NCOA7: variants seen among roughly 807,000 people sequenced by gnomAD.
The protein encoded by NCOA7 is nuclear receptor coactivator 7, also known as 140 kDa estrogen receptor-associated protein.
Under a neutral mutation model 104.3 loss-of-function variants are expected in NCOA7, and 45 were observed. The ratio of observed to expected loss-of-function variants is 0.43; its 90% confidence interval spans 0.34 to 0.55. The LOEUF is 0.55. Ranked by LOEUF, NCOA7 falls within the 20% of genes least tolerant of loss-of-function variation. The pLI is 0.02. For synonymous variants in NCOA7, 398 were observed against 402.3 expected (o/e 0.99, Z 0.13); for missense variants, 1,041 against 1,119.7 (o/e 0.93, Z 1.00).
chr6:125,891,074 A>G (rs542564010), intron 10 of NCOA7, among the ~76,000 whole-genome samples: 6 of 152,326 alleles, frequency 3.9e-5, no homozygotes, highest in Admixed American at 2.0e-4. Context: ...TGAAAGAAGA[A>G]TTTGATGTTC....
At chr6:125,902,073 G>C (rs763820180) in intron 10 of NCOA7, among the ~76,000 whole-genome samples, 3 of 152,148 alleles carry the variant, frequency 2.0e-5, no homozygotes, top group Non-Finnish European at 4.4e-5. Flanking sequence ...TTTTATGGGT[G>C]CAGGGTAGGG....
chr6:125,900,885 C>T lies in NCOA7; in HGVS notation c.2096+10075C>T, dbSNP rs182092891. ...TTTAGAATACTGAAACTGGAAGAGG[C>T]CCTACAGTGCAAGGAAAATTACCTT... On this transcript the variant is annotated intron_variant, in intron 10 of 15. Transcript: ENST00000392477. Among the ~76,000 whole-genome samples the T allele has an allele frequency of 1.2e-3, 187 of 152,164 alleles. 2 individuals are homozygous for T. Among genetic ancestry groups the T allele is most frequent in the East Asian group, 2.5e-3 (13 of 5,184 alleles).
In NCOA7 at chr6:125,890,093, TAG is replaced by T. The variant is rs1443742949; in HGVS notation, c.1927+115_1927+116del. The T allele has an allele frequency of 4.9e-6, 4 of 818,176 alleles. No individual in the cohort carries two copies. The African/African-American group carries it at 7.1e-5, about 14-fold the overall frequency. The allele number at this position is 818,176 out of a possible 1,614,324, so 50.7% of individuals were successfully genotyped here. ...TTATTTGAAAACAGTATTTTCTCAA[TAG>T]AGTGTATCTTTGCTGATAGCATTAA... is the stretch of plus-strand genomic sequence containing the variant. On this transcript the variant is annotated intron_variant, in intron 9 of 15. Transcript: ENST00000392477.
At chr6:125,814,474 T>G (rs1777391531) in intron 1 of NCOA7, among the ~76,000 whole-genome samples, 2 of 152,194 alleles carry the variant, frequency 1.3e-5, no homozygotes, top group South Asian at 4.1e-4. Context: ...GATTTAAATT[T>G]GATAGGTGAA....
At position 125,815,295 on chromosome 6, in the gene NCOA7, A is replaced by G. The variant is rs1377861898; in HGVS notation, c.-60A>G. The G allele has an allele frequency of 1.5e-6, 2 of 1,308,438 alleles. No individual in the cohort carries two copies. The highest frequency in any genetic ancestry group is 2.9e-5 in the African/African-American group (2 of 67,934). 81.1% of individuals were successfully genotyped at this position (1,308,438 alleles called of 1,614,324 possible). On this transcript the variant is annotated 5_prime_UTR_variant, in exon 2 of 16. Coordinates refer to ENST00000392477, the MANE Select transcript of NCOA7 (RefSeq NM_181782.5). The stretch of plus-strand genomic sequence containing the variant: ...CTTTGTTATCTTTTCTTACAGGGTT[A>G]CGACTCACTGATTAAAAAGAGGGAC...
At chr6:125,834,141 G>A (rs1422441285) in intron 2 of NCOA7, among the ~76,000 whole-genome samples, 4 of 151,908 alleles carry the variant, frequency 2.6e-5, no homozygotes, top group Admixed American at 2.6e-4. Context: ...TATGTGGGCA[G>A]CTTATTTTTG....
chr6:125,806,975 G>T (rs567113116), intron 1 of NCOA7, among the ~76,000 whole-genome samples: 2 of 152,152 alleles, frequency 1.3e-5, no homozygotes, highest in Non-Finnish European at 2.9e-5. Context: ...TGAGAACTGC[G>T]TTTCTACAGT....
At chr6:125,896,953 C>T (rs1018067968) in intron 10 of NCOA7, among the ~76,000 whole-genome samples, 3 of 152,154 alleles carry the variant, frequency 2.0e-5, no homozygotes, top group Admixed American at 1.3e-4. Context: ...TGTTTGCACA[C>T]GTATTTAGGA....
rs527886441 is a variant in NCOA7 at position 125,850,456 on chromosome 6, CTG to C, written c.51-4560_51-4559del. Among the ~76,000 whole-genome samples the C allele has an allele frequency of 3.5e-3, 526 of 152,126 alleles. 2 individuals are homozygous for C. The highest frequency in any genetic ancestry group is 0.012 in the African/African-American group (500 of 41,480). On this transcript the variant is annotated intron_variant, in intron 2 of 15. Transcript: ENST00000392477. ...GGCTATATGTGTTGATAATAATAGT[CTG>C]TGTAGAAAAGGGAGAAAAAGAATAA...
At chr6:125,881,245 C>A (rs761324328) in intron 6 of NCOA7, 42 bp downstream of exon 6, 2 of 1,335,420 alleles carry the variant, frequency 1.5e-6, no homozygotes, top group Non-Finnish European at 2.2e-6. Context: ...ATTAAAGAGA[C>A]TTCTTTTAAG....
At chr6:125,927,869 C>T in intron 14 of NCOA7, 111 bp downstream of exon 14, 3 of 931,976 alleles carry the variant, frequency 3.2e-6, no homozygotes, top group Non-Finnish European at 5.2e-6. Context: ...TGAACTGACT[C>T]CGGGCTGGGT....
intron 11 of NCOA7, among the ~76,000 whole-genome samples, chr6:125,917,450 A>G (rs1787183204): frequency 6.6e-6 from 1 of 152,012 alleles, no homozygotes; most frequent in South Asian, 2.1e-4. Context: ...CTCACACCCT[A>G]TCCTTGCTCT....
chr6:125,858,136 C>T (rs1435767153), intron 3 of NCOA7, among the ~76,000 whole-genome samples: 1 of 152,050 alleles, frequency 6.6e-6, no homozygotes, highest in Non-Finnish European at 1.5e-5. Context: ...TACCTATGTA[C>T]AGGCTGGGGT....
intron 1 of NCOA7, among the ~76,000 whole-genome samples, chr6:125,799,036 G>C (rs567531455): frequency 6.6e-6 from 1 of 152,166 alleles, no homozygotes; most frequent in African/African-American, 2.4e-5. Context: ...AGCAGACCAA[G>C]TAAAATGACT....
intron 3 of NCOA7, among the ~76,000 whole-genome samples, chr6:125,872,178 G>A (rs1044246679): frequency 6.6e-6 from 1 of 152,064 alleles, no homozygotes; most frequent in Non-Finnish European, 1.5e-5. Flanking sequence ...ACCCACCTGT[G>A]GCAAAGGAAG....
chr6:125,851,263 A>G (rs1238639171), intron 2 of NCOA7, among the ~76,000 whole-genome samples: 1 of 152,090 alleles, frequency 6.6e-6, no homozygotes, highest in African/African-American at 2.4e-5. Flanking sequence ...CCTCAGCCAC[A>G]TCCCACCCTC....
At chr6:125,858,703 G>A (rs896453810) in intron 3 of NCOA7, among the ~76,000 whole-genome samples, 3 of 152,018 alleles carry the variant, frequency 2.0e-5, no homozygotes, top group Admixed American at 2.0e-4. Context: ...CCGGTTTGGA[G>A]GTTTGAGGCA....
upstream of NCOA7, among the ~76,000 whole-genome samples, chr6:125,788,820 G>A (rs1481910781): frequency 6.6e-6 from 1 of 151,548 alleles, no homozygotes; most frequent in Non-Finnish European, 1.5e-5. Context: ...GGGATTACAA[G>A]CGTGAGCCAC....
intron 2 of NCOA7, among the ~76,000 whole-genome samples, chr6:125,839,700 C>T (rs1177630180): frequency 1.3e-5 from 2 of 152,118 alleles, no homozygotes; most frequent in East Asian, 1.9e-4. Context: ...ACATAAGCCA[C>T]TGGCCTCATT....
Sources: gnomAD v4.1 joint callset for allele counts (sites outside exome capture counted in the v4.1 genomes callset) on GRCh38, gnomAD v4.1.1 for gene constraint, MANE v1.5 for transcripts, NCBI Gene and HGNC (gene_info 2026-07-23, HGNC 2026-07-21) for gene names.